PTPRG: variants seen among roughly 807,000 people sequenced by gnomAD.
PTPRG encodes protein tyrosine phosphatase receptor type G.
PTPRG carries 102 observed loss-of-function variants against 165.3 expected under a neutral mutation model. That is an observed-to-expected ratio of 0.62 (90% CI 0.53 to 0.73). The LOEUF is 0.73. PTPRG is among the 30% of genes least tolerant of loss of function. The pLI is 0.00. For synonymous variants in PTPRG, 675 were observed against 669.5 expected (o/e 1.01, Z -0.13); for missense variants, 1,866 against 1,861.4 (o/e 1.00, Z -0.05).
chr3:62,016,388 G>C (rs1430351776), intron 4 of PTPRG, among the ~76,000 whole-genome samples: 8 of 151,982 alleles, frequency 5.3e-5, no homozygotes, highest in Non-Finnish European at 7.4e-5. Flanking sequence ...GGCTGGTCTC[G>C]AACTCCTGAC....
intron 2 of PTPRG, among the ~76,000 whole-genome samples, chr3:61,761,449 G>A (rs1230973802): frequency 1.3e-5 from 2 of 152,094 alleles, no homozygotes; most frequent in Non-Finnish European, 1.5e-5. Context: ...CGTGGTGGTG[G>A]ACACCTGTAA....
intron 2 of PTPRG, among the ~76,000 whole-genome samples, chr3:61,840,782 G>GTTTTTTTTTTT (rs149041037): frequency 8.3e-6 from 1 of 120,106 alleles, no homozygotes; most frequent in African/African-American, 3.2e-5. Flanking sequence ...TTGTTTGTTT[G>GTTTTTTTTTTT]TTTTTTTTTT....
chr3:62,203,477 C>A lies in PTPRG; in HGVS notation c.1682C>A (p.Ser561Tyr), dbSNP rs201820508. Residue 561 changes from serine to tyrosine, a missense_variant, in exon 12 of 30, where the codon TCT (serine) becomes TAT (tyrosine). Physicochemically the swap from Ser to Tyr is moderately radical, Grantham distance 144. Coordinates refer to ENST00000474889, the MANE Select transcript of PTPRG (RefSeq NM_002841.4). This position sits in a 1 kb window ranked among gnomAD's most constrained non-coding sequence, Gnocchi z 6.4. The stretch of plus-strand genomic sequence containing the variant: ...CTAGCCACCACAGAGGCCTTGGCTT[C>A]TCCAGGGCCCGATGGTGATTCGTCA... Reference protein sequence around the residue: ...PVLATTEALASPGPDGDSSPT... With the variant: ...PVLATTEALAYPGPDGDSSPT... 634 of 1,575,276 alleles carry A rather than the reference C, an allele frequency of 4.0e-4. No individual in the cohort carries two copies. Among genetic ancestry groups the A allele is most frequent in the Non-Finnish European group, 5.1e-4 (586 of 1,159,472 alleles).
At chr3:61,861,467 GTTAT>G (rs1354586698) in intron 2 of PTPRG, among the ~76,000 whole-genome samples, 1 of 152,200 alleles carries the variant, frequency 6.6e-6, no homozygotes, top group African/African-American at 2.4e-5. Flanking sequence ...ACAGTTCCCT[GTTAT>G]TAGAGTCCTG....
chr3:62,121,180 C>T (rs1191358955), intron 5 of PTPRG, among the ~76,000 whole-genome samples: 2 of 151,208 alleles, frequency 1.3e-5, no homozygotes, highest in Non-Finnish European at 2.9e-5. Context: ...ATCTCGATCT[C>T]CTGACCTCGT....
chr3:62,089,055 T>C (rs1323626377), intron 5 of PTPRG, among the ~76,000 whole-genome samples: 10 of 152,236 alleles, frequency 6.6e-5, no homozygotes, highest in Non-Finnish European at 1.2e-4. Context: ...GGGTTTACAC[T>C]GAAGCTACTG....
chr3:62,239,504 G>A (rs1453952634), intron 14 of PTPRG, among the ~76,000 whole-genome samples: 2 of 151,614 alleles, frequency 1.3e-5, no homozygotes, highest in East Asian at 3.9e-4. Context: ...CGAGTAGCTG[G>A]AACTACAGGC....
intron 2 of PTPRG, among the ~76,000 whole-genome samples, chr3:61,858,962 T>A (rs1253135586): frequency 6.6e-6 from 1 of 152,162 alleles, no homozygotes; most frequent in Non-Finnish European, 1.5e-5. Flanking sequence ...GCACTTCCAA[T>A]GTTTTAAGTA....
Position 62,203,896 on chromosome 3 carries a change from A to G in PTPRG, c.2101A>G (p.Met701Val), listed in dbSNP as rs144097791. ...KRPEMPSKKP[M>V]SRGDRFSEDS... The stretch of plus-strand genomic sequence containing the variant: ...GCCCGAAATGCCATCTAAAAAGCCT[A>G]TGTCCCGCGGGGACCGATTTTCTGA... Residue 701 changes from methionine to valine, a missense_variant, in exon 12 of 30, where the codon ATG (methionine) becomes GTG (valine). Physicochemically the swap from Met to Val is conservative, Grantham distance 21 (BLOSUM62 1). This residue lies in a region of PTPRG where 1,452 missense variants were observed against 1,463.0 expected (regional missense o/e 0.99). Transcript: ENST00000474889. This position sits in a 1 kb window ranked among gnomAD's most constrained non-coding sequence, Gnocchi z 6.4. The G allele has an allele frequency of 9.9e-5, 159 of 1,612,116 alleles. No individual in the cohort carries two copies. The highest frequency in any genetic ancestry group is 7.4e-4 in the East Asian group (33 of 44,836).
chr3:61,905,523 T>C (rs2038622407), intron 2 of PTPRG, among the ~76,000 whole-genome samples: 1 of 152,226 alleles, frequency 6.6e-6, no homozygotes, highest in African/African-American at 2.4e-5. Flanking sequence ...GGTGGTCTTT[T>C]AACAGTTAGC....
At chr3:61,993,080 A>T (rs2040936124) in intron 3 of PTPRG, among the ~76,000 whole-genome samples, 2 of 151,982 alleles carry the variant, frequency 1.3e-5, no homozygotes, top group South Asian at 2.1e-4. Context: ...TGAACAGTGC[A>T]TATTAGTGCA....
At chr3:61,806,172 C>T (rs1187913135) in intron 2 of PTPRG, among the ~76,000 whole-genome samples, 6 of 152,130 alleles carry the variant, frequency 3.9e-5, no homozygotes, top group African/African-American at 1.4e-4. Context: ...TTAGCCTGAA[C>T]TCAGTGTTAT....
chr3:62,064,333 G>GT (rs1700928310), intron 4 of PTPRG, among the ~76,000 whole-genome samples: 1 of 152,118 alleles, frequency 6.6e-6, no homozygotes, highest in African/African-American at 2.4e-5. Context: ...AAACTATACT[G>GT]AGTTGTATGA....
intron 2 of PTPRG, chr3:61,771,083 G>T (rs1228974994): frequency 6.6e-6 from 1 of 152,066 alleles, no homozygotes; most frequent in Non-Finnish European, 1.5e-5. Context: ...ACTTGGAGTG[G>T]TCCGCAAGGT....
chr3:61,589,204 G>T (rs1057437544), intron 1 of PTPRG, among the ~76,000 whole-genome samples: 2 of 152,100 alleles, frequency 1.3e-5, no homozygotes, highest in African/African-American at 4.8e-5. Context: ...TATTGAAATA[G>T]CCGTATCTGT....
At chr3:61,871,910 CAGGGATCTG>C (rs1338572857) in intron 2 of PTPRG, among the ~76,000 whole-genome samples, 4 of 152,138 alleles carry the variant, frequency 2.6e-5, no homozygotes, top group Admixed American at 2.6e-4. Context: ...ATTAAGAATC[CAGGGATCTG>C]TGTTTTAGAG....
chr3:62,242,990 T>C (rs1003446995), intron 14 of PTPRG, among the ~76,000 whole-genome samples: 3 of 151,988 alleles, frequency 2.0e-5, no homozygotes, highest in African/African-American at 7.2e-5. Context: ...CTGGTCACAA[T>C]AGCCATTCAC....
At chr3:62,215,546 A>ACG (rs1553652483) in intron 12 of PTPRG, among the ~76,000 whole-genome samples, 1 of 63,758 alleles carries the variant, frequency 1.6e-5, no homozygotes, top group Non-Finnish European at 2.9e-5. Flanking sequence ...CCCTACGGGA[A>ACG]CCCCCCCCCC....
intron 2 of PTPRG, among the ~76,000 whole-genome samples, chr3:61,937,717 G>C (rs2039513788): frequency 6.6e-6 from 1 of 152,158 alleles, no homozygotes; most frequent in African/African-American, 2.4e-5. Context: ...CACAGTTTCA[G>C]ATTTATAACA....
Sources: gnomAD v4.1 joint callset for allele counts (sites outside exome capture counted in the v4.1 genomes callset) on GRCh38, gnomAD v4.1.1 for gene constraint, gnomAD v4.1.1 regional missense constraint, Gnocchi (gnomAD v3.1) non-coding constraint, MANE v1.5 for transcripts, NCBI Gene and HGNC (gene_info 2026-07-23, HGNC 2026-07-21) for gene names.